Variants in APBA2 observed in about 807,000 individuals in gnomAD.
APBA2 encodes the protein amyloid beta precursor protein binding family A member 2, also known as amyloid-beta A4 precursor protein-binding family A member 2.
A neutral mutation model predicts 75.0 loss-of-function variants in APBA2; 30 were observed. That is an observed-to-expected ratio of 0.40 (90% CI 0.30 to 0.54). The LOEUF (loss-of-function observed/expected upper bound fraction) is 0.54, where lower values mean the gene tolerates loss of function less well. Among genes scored for constraint, APBA2 ranks in the 20% least tolerant of loss-of-function variants. The pLI, the probability that APBA2 is intolerant of heterozygous loss-of-function variation, is 0.49. For synonymous variants in APBA2, 444 were observed against 409.6 expected, an observed-to-expected ratio of 1.08 and a Z score of -1.01; for missense variants, 801 against 1,016.1, an observed-to-expected ratio of 0.79 and a Z score of 2.88.
chr15:28,966,194 A>G (rs1267531166), intron 2 of APBA2, among the ~76,000 whole-genome samples: 1 of 152,144 alleles, frequency 6.6e-6, no homozygotes, highest in Non-Finnish European at 1.5e-5. Context: ...TGAATTTTCT[A>G]TAAATGTCAA....
intron 3 of APBA2, among the ~76,000 whole-genome samples, chr15:29,037,432 T>C (rs1297166174): frequency 6.6e-6 from 1 of 152,122 alleles, no homozygotes; most frequent in Non-Finnish European, 1.5e-5. Flanking sequence ...ATGTGAATCA[T>C]CGTGTGAGAT....
chr15:28,991,144 G>A lies in APBA2; in HGVS notation c.-94-4609G>A, dbSNP rs2038206571. Among the ~76,000 whole-genome samples, 1 of 152,162 alleles carries A rather than the reference G, an allele frequency of 6.6e-6. No homozygotes were observed. Among genetic ancestry groups the A allele is most frequent in the Non-Finnish European group, 1.5e-5 (1 of 68,030 alleles). On this transcript the variant is annotated intron_variant, in intron 2 of 14. Coordinates refer to ENST00000683413, the MANE Select transcript of APBA2 (RefSeq NM_001353788.2). This position sits in a 1 kb window ranked among gnomAD's most constrained non-coding sequence, Gnocchi z 4.7. ...AGAATTTAAACATTTTACTTGTAAA[G>A]AGCACTTTGGTATCCACCCCAAGGG...
chr15:29,104,121 C>T (rs1343383326), intron 10 of APBA2, among the ~76,000 whole-genome samples: 4 of 152,262 alleles, frequency 2.6e-5, no homozygotes, highest in African/African-American at 9.6e-5. Context: ...ATACATTCAT[C>T]TGCTGCTCTT....
intron 3 of APBA2, among the ~76,000 whole-genome samples, chr15:29,002,536 G>A (rs1025234854): frequency 1.3e-5 from 2 of 151,798 alleles, no homozygotes; most frequent in Admixed American, 6.6e-5. Flanking sequence ...GAAAGTCCAC[G>A]TCATTTGCCA....
At chr15:29,057,568 G>A (rs915579934) in intron 4 of APBA2, among the ~76,000 whole-genome samples, 1 of 152,302 alleles carries the variant, frequency 6.6e-6, no homozygotes, top group African/African-American at 2.4e-5. Context: ...AATGATGTAC[G>A]TAGCTGTCAT....
At chr15:28,916,701 C>G (rs1282054320) in intron 1 of APBA2, among the ~76,000 whole-genome samples, 1 of 152,214 alleles carries the variant, frequency 6.6e-6, no homozygotes, top group Non-Finnish European at 1.5e-5. Context: ...ACCATTTTCC[C>G]TCAAAAACAG....
intron 2 of APBA2, among the ~76,000 whole-genome samples, chr15:28,984,752 C>G (rs1052319311): frequency 6.7e-6 from 1 of 149,726 alleles, no homozygotes; most frequent in Non-Finnish European, 1.5e-5. Flanking sequence ...CTCTCTATCT[C>G]TCTCCCCCCC....
chr15:28,991,581 A>T lies in APBA2; in HGVS notation c.-94-4172A>T, dbSNP rs1230552856. On this transcript the variant is annotated intron_variant, in intron 2 of 14. Coordinates refer to ENST00000683413, the MANE Select transcript of APBA2 (RefSeq NM_001353788.2). The surrounding 1 kb of genome is among the most constrained non-coding windows in gnomAD (Gnocchi z 4.7). Reference sequence around the variant, plus strand: ...GAACCCCCATTACAAGCTTTCCCTCATGAGATGGCGCTGATCAGTCTGGGG... The same window carrying T: ...GAACCCCCATTACAAGCTTTCCCTCTTGAGATGGCGCTGATCAGTCTGGGG... 2.0e-5 allele frequency among the ~76,000 whole-genome samples: 3 copies of T among 152,052 alleles called. No homozygotes were observed. Among genetic ancestry groups the T allele is most frequent in the African/African-American group, 7.2e-5 (3 of 41,410 alleles).
At chr15:29,092,574 C>G (rs538554124) in intron 6 of APBA2, among the ~76,000 whole-genome samples, 1 of 152,208 alleles carries the variant, frequency 6.6e-6, no homozygotes, top group African/African-American at 2.4e-5. Flanking sequence ...GTTGCCAAGC[C>G]TGGGCCTGCG....
At chr15:28,949,668 T>G (rs1214139647) in intron 2 of APBA2, among the ~76,000 whole-genome samples, 1 of 152,180 alleles carries the variant, frequency 6.6e-6, no homozygotes, top group East Asian at 1.9e-4. Context: ...GGGGTCTCAC[T>G]GTATTGCCCA....
chr15:29,014,042 G>T (rs2039535237), intron 3 of APBA2, among the ~76,000 whole-genome samples: 1 of 152,162 alleles, frequency 6.6e-6, no homozygotes, highest in Non-Finnish European at 1.5e-5. Flanking sequence ...TCCCAGTTTT[G>T]TGTCATCTAC....
intron 4 of APBA2, among the ~76,000 whole-genome samples, chr15:29,067,718 T>C (rs2042438216): frequency 6.6e-6 from 1 of 152,242 alleles, no homozygotes; most frequent in Non-Finnish European, 1.5e-5. Context: ...GATATTCTAC[T>C]GTGTATATTC....
chr15:29,026,979 A>T (rs959731287), intron 3 of APBA2, among the ~76,000 whole-genome samples: 3 of 152,204 alleles, frequency 2.0e-5, no homozygotes, highest in East Asian at 1.9e-4. Flanking sequence ...TAATTTTCAG[A>T]ATAAGAAGTT....
At chr15:29,089,785 T>C (rs2043468813) in intron 6 of APBA2, among the ~76,000 whole-genome samples, 1 of 152,194 alleles carries the variant, frequency 6.6e-6, no homozygotes, top group Admixed American at 6.5e-5. Flanking sequence ...CCTATGTGAG[T>C]AAGATATACG....
chr15:28,955,882 G>A (rs992442606), intron 2 of APBA2, among the ~76,000 whole-genome samples: 5 of 152,228 alleles, frequency 3.3e-5, no homozygotes, highest in African/African-American at 1.2e-4. Flanking sequence ...GGTAGGTGTT[G>A]CTTCTGGCCC....
intron 4 of APBA2, among the ~76,000 whole-genome samples, 195 bp from the exon 5 acceptor site, chr15:29,074,724 CTT>C (rs1195220507): frequency 1.3e-5 from 2 of 152,090 alleles, no homozygotes; most frequent in Non-Finnish European, 2.9e-5. Flanking sequence ...TTTAAAATAA[CTT>C]TTTTAGAAGT....
Position 28,953,443 on chromosome 15 carries a change from G to T in APBA2, c.-95+31694G>T, listed in dbSNP as rs141039358. Among the ~76,000 whole-genome samples the T allele has an allele frequency of 3.3e-3, 499 of 151,716 alleles. 5 individuals are homozygous for T. Among genetic ancestry groups the T allele is most frequent in the African/African-American group, 0.011 (469 of 41,330 alleles). On this transcript the variant is annotated intron_variant, in intron 2 of 14. Coordinates refer to ENST00000683413, the MANE Select transcript of APBA2 (RefSeq NM_001353788.2). ...CACCCCCTGCTGCTGGCCTATTTCT[G>T]TGCTTTGTTTTGCTGTAGAACTTCT...
chr15:28,896,122 C>G (rs2032469121), intron 1 of APBA2, among the ~76,000 whole-genome samples: 2 of 152,034 alleles, frequency 1.3e-5, no homozygotes, highest in Admixed American at 1.3e-4. Context: ...AAAAAAATAT[C>G]TGATTTGAAG....
intron 10 of APBA2, among the ~76,000 whole-genome samples, chr15:29,103,323 C>T (rs919604560): frequency 1.3e-5 from 2 of 152,250 alleles, no homozygotes; most frequent in African/African-American, 2.4e-5. Flanking sequence ...TTCCCCACCT[C>T]TCCAGCGCCT....
Sources: gnomAD v4.1 joint callset for allele counts (sites outside exome capture counted in the v4.1 genomes callset) on GRCh38, gnomAD v4.1.1 for gene constraint, Gnocchi (gnomAD v3.1) non-coding constraint, MANE v1.5 for transcripts, NCBI Gene and HGNC (gene_info 2026-07-23, HGNC 2026-07-21) for gene names.